The following TNFRSF10A variants were observed in gnomAD, a reference collection of about 807,000 sequenced individuals.
TNFRSF10A encodes the protein tumor necrosis factor receptor superfamily member 10A.
A neutral mutation model predicts 42.8 loss-of-function variants in TNFRSF10A; 44 were observed. The ratio of observed to expected loss-of-function variants is 1.03; its 90% CI spans 0.81 to 1.32. TNFRSF10A has a LOEUF of 1.32. TNFRSF10A is among the 40% of genes most tolerant of loss of function. The pLI, the probability that TNFRSF10A is intolerant of heterozygous loss-of-function variation, is 0.00. For synonymous variants in TNFRSF10A, 259 were observed against 234.2 expected, an observed-to-expected ratio of 1.11 and a Z score of -0.97; for missense variants, 680 against 602.0, an observed-to-expected ratio of 1.13 and a Z score of -1.36.
chr8:23,216,160 C>G (rs1801177022), intron 1 of TNFRSF10A, among the ~76,000 whole-genome samples: 1 of 152,088 alleles, frequency 6.6e-6, no homozygotes, highest in Non-Finnish European at 1.5e-5. Context: ...TTCTGAGAAC[C>G]AACTCTTAGC....
At chr8:23,206,206 A>G (rs1025415913) in intron 2 of TNFRSF10A, among the ~76,000 whole-genome samples, 7 of 152,352 alleles carry the variant, frequency 4.6e-5, no homozygotes, top group Admixed American at 1.3e-4. Flanking sequence ...AAAAGTTTAT[A>G]AAGTAAAATA....
At chr8:23,217,812 T>C (rs1046979676) in intron 1 of TNFRSF10A, among the ~76,000 whole-genome samples, 18 of 152,128 alleles carry the variant, frequency 1.2e-4, no homozygotes, top group African/African-American at 4.1e-4. Context: ...GGCACGACCC[T>C]CCCTTTCCTT....
intron 8 of TNFRSF10A, among the ~76,000 whole-genome samples, chr8:23,197,931 A>G (rs1366599185): frequency 1.3e-5 from 2 of 152,092 alleles, no homozygotes; most frequent in African/African-American, 2.4e-5. Flanking sequence ...GATAGTTTAA[A>G]TTTTCTCATT....
intron 2 of TNFRSF10A, among the ~76,000 whole-genome samples, chr8:23,210,410 G>A (rs537483363): frequency 1.3e-4 from 20 of 152,254 alleles, no homozygotes; most frequent in African/African-American, 4.1e-4. Context: ...GGCTGGGCAC[G>A]GTGGCTCACG....
At chr8:23,220,680 AAG>A (rs1426156626) in intron 1 of TNFRSF10A, among the ~76,000 whole-genome samples, 6 of 152,200 alleles carry the variant, frequency 3.9e-5, no homozygotes, top group South Asian at 2.1e-4. Flanking sequence ...ATGAACTTGA[AAG>A]AGAACTGAAG....
At chr8:23,221,135 T>C (rs1242712289) in intron 1 of TNFRSF10A, among the ~76,000 whole-genome samples, 1 of 152,186 alleles carries the variant, frequency 6.6e-6, no homozygotes, top group East Asian at 1.9e-4. Flanking sequence ...AGGTGCAGCC[T>C]CTGCTGGGTA....
chr8:23,200,086 G>A (rs573770756), intron 6 of TNFRSF10A, among the ~76,000 whole-genome samples, 169 bp from the exon 7 acceptor site: 16 of 152,308 alleles, frequency 1.1e-4, no homozygotes, highest in Admixed American at 9.2e-4. Context: ...CTTCAGGAGC[G>A]GGGAGCATAA....
intron 9 of TNFRSF10A, among the ~76,000 whole-genome samples, chr8:23,193,337 T>C (rs1800780226): frequency 6.6e-6 from 1 of 152,148 alleles, no homozygotes; most frequent in South Asian, 2.1e-4. Flanking sequence ...CTCTCTCAGG[T>C]CCCACTGCAG....
At position 23,199,937 on chromosome 8, in the gene TNFRSF10A, C is replaced by A. The variant is rs1194828479; in HGVS notation, c.800-20G>T. 4 of 1,613,994 alleles carry A rather than the reference C, an allele frequency of 2.5e-6. No individual in the cohort carries two copies. The highest frequency in any genetic ancestry group is 3.4e-6 in the Non-Finnish European group (4 of 1,179,966). ...CACAACCTAGAAGAGAAGACGGTTC[C>A]CTTAGTGGCCAGGGAGGGGCCCATG... On this transcript the variant is annotated intron_variant, in intron 6 of 9. Coordinates refer to ENST00000221132, the MANE Select transcript of TNFRSF10A (RefSeq NM_003844.4).
rs1800928886 is a variant in TNFRSF10A, at chr8:23,201,812, T to A, written c.625A>T (p.Arg209Ter). ...GCCCCTTGGCTGTTGTCTCACCCTC[T>A]GCTGCACTTCCGGCACATCTCAGCA... ...NSAEMCRKCS[R>*]GCPRGMVKVK... The change falls in exon 4 of 10, where the codon AGA (arginine) becomes TGA (stop). Residue 209 changes from arginine to a stop codon, truncating the protein, a stop_gained. Transcript: ENST00000221132. LOFTEE classifies it high-confidence loss of function. The A allele has an allele frequency of 6.2e-7, 1 of 1,614,046 alleles. No homozygotes were observed. Among genetic ancestry groups the A allele is most frequent in the South Asian group, 1.1e-5 (1 of 91,078 alleles).
At chr8:23,207,074 G>A (rs994484055) in intron 2 of TNFRSF10A, 1 of 507,488 alleles carries the variant, frequency 2.0e-6, no homozygotes, top group Non-Finnish European at 3.7e-6. Context: ...AAGATACTGA[G>A]ACTCTGGAGA....
At chr8:23,200,119 C>G (rs957448632) in intron 6 of TNFRSF10A, among the ~76,000 whole-genome samples, 3 of 152,216 alleles carry the variant, frequency 2.0e-5, no homozygotes, top group African/African-American at 7.2e-5. Flanking sequence ...TAAAAACAAA[C>G]AAGTGGAACA....
intron 1 of TNFRSF10A, chr8:23,224,457 T>A (rs926676518): frequency 1.1e-5 from 5 of 436,358 alleles, no homozygotes; most frequent in East Asian, 4.9e-5. Context: ...TTCCGAAACT[T>A]CCCGATACAT....
intron 1 of TNFRSF10A, among the ~76,000 whole-genome samples, chr8:23,214,042 T>G (rs1801138372): frequency 1.3e-5 from 2 of 151,726 alleles, no homozygotes; most frequent in Admixed American, 1.3e-4. Context: ...GATATTTTCT[T>G]TCTTTTTTGA....
At position 23,224,853 on chromosome 8, in the gene TNFRSF10A, G is replaced by A; in HGVS notation, c.209C>T (p.Ala70Val). ...CGGCCTGGGTCCTGGGGCGCGCCCT[G>A]CCCGGGCCCGGGCACTGGGTCCGTG... ...GQHGPSARAR[A>V]GRAPGPRPAR... The change falls in exon 1 of 10, where the codon GCA becomes GTA. Residue 70 changes from alanine to valine, a missense_variant. Ala to Val is a moderately conservative substitution (Grantham distance 64). Transcript: ENST00000221132. 2 of 1,567,356 alleles carry A rather than the reference G, an allele frequency of 1.3e-6. No homozygotes were observed. Among genetic ancestry groups the A allele is most frequent in the Non-Finnish European group, 1.7e-6 (2 of 1,156,374 alleles).
At chr8:23,209,631 A>C (rs1585284963) in intron 2 of TNFRSF10A, among the ~76,000 whole-genome samples, 1 of 152,214 alleles carries the variant, frequency 6.6e-6, no homozygotes. Context: ...CTGGATTTCA[A>C]ACATGCATGG....
chr8:23,221,737 A>G (rs1801259240), intron 1 of TNFRSF10A, among the ~76,000 whole-genome samples: 1 of 152,174 alleles, frequency 6.6e-6, no homozygotes, highest in Non-Finnish European at 1.5e-5. Flanking sequence ...AGTCTCAAAA[A>G]ATTCCTGGAT....
chr8:23,199,350 G>C lies in TNFRSF10A; in HGVS notation c.930C>G (p.Val310=). ...CCTGGCTTTCCATTTGCTGCTCAGAGACGAAAGTGGACAGCGAGTCTGCGT... is the reference window on the plus strand; with the variant it reads ...CCTGGCTTTCCATTTGCTGCTCAGACACGAAAGTGGACAGCGAGTCTGCGT... The part of the protein sequence containing the change: ...LSNADSLSTF[V]SEQQMESQEP... The change falls in exon 8 of 10, where the codon GTC becomes GTG. Residue 310 remains valine, a synonymous_variant. Transcript: ENST00000221132. The C allele has an allele frequency of 6.2e-7, 1 of 1,614,212 alleles. No individual in the cohort carries two copies. The highest frequency in any genetic ancestry group is 8.5e-7 in the Non-Finnish European group (1 of 1,180,026).
intron 1 of TNFRSF10A, among the ~76,000 whole-genome samples, chr8:23,218,778 C>T (rs956012198): frequency 1.1e-4 from 16 of 152,196 alleles, no homozygotes; most frequent in African/African-American, 3.6e-4. Flanking sequence ...CATCCTCCTG[C>T]CCAGCCCCTC....
Sources: allele counts gnomAD v4.1 joint callset (sites outside exome capture counted in the v4.1 genomes callset), GRCh38; gene constraint gnomAD v4.1.1; transcripts MANE v1.5; gene names NCBI Gene and HGNC (gene_info 2026-07-23, HGNC 2026-07-21).